SPEF2: variants seen among roughly 807,000 people sequenced by gnomAD.
SPEF2 encodes the protein sperm flagella and cilia-associated protein 2.
In SPEF2, 187 loss-of-function variants were observed where a neutral mutation model predicts 224.6. The observed-to-expected ratio is 0.83, with a 90% CI of 0.74 to 0.94. SPEF2 has a LOEUF of 0.94. Ranked by LOEUF, SPEF2 falls within the 40% of genes least tolerant of loss-of-function variation. The pLI, the probability that SPEF2 is intolerant of heterozygous loss-of-function variation, is 0.00. For missense variants in SPEF2, 2,170 were observed against 2,135.6 expected (o/e 1.02, Z -0.32); for synonymous variants, 715 against 707.3 (o/e 1.01, Z -0.17).
At chr5:35,700,280 A>G (rs1368387809) in intron 15 of SPEF2, 5 of 576,606 alleles carry the variant, frequency 8.7e-6, no homozygotes, top group Non-Finnish European at 1.5e-5. Context: ...AGCCTCTGGA[A>G]TAGATTTGGA....
chr5:35,781,133 G>A (rs73747976), intron 30 of SPEF2, among the ~76,000 whole-genome samples: 7,074 of 151,866 alleles, frequency 0.047, 468 homozygotes, highest in African/African-American at 0.14. Flanking sequence ...GAGGGAGGGA[G>A]AAACGGAGTT....
intron 7 of SPEF2, among the ~76,000 whole-genome samples, chr5:35,656,459 C>G (rs1222725071): frequency 2.0e-5 from 3 of 152,122 alleles, no homozygotes; most frequent in Non-Finnish European, 4.4e-5. Context: ...GGTTATCTCC[C>G]TTTTAATTAG....
chr5:35,745,721 G>A (rs1580552821), intron 23 of SPEF2, among the ~76,000 whole-genome samples: 1 of 152,108 alleles, frequency 6.6e-6, no homozygotes, highest in Non-Finnish European at 1.5e-5. Flanking sequence ...CACACCTGAT[G>A]GTCCTTTCCT....
intron 12 of SPEF2, 144 bp from the exon 13 acceptor site, chr5:35,694,144 T>C (rs537680120): frequency 2.7e-5 from 17 of 634,832 alleles, no homozygotes; most frequent in Non-Finnish European, 4.3e-5. Flanking sequence ...GAACTGAAAC[T>C]TTAATCTCCT....
chr5:35,637,769 CCT>C (rs944187150), intron 2 of SPEF2, among the ~76,000 whole-genome samples: 1 of 152,156 alleles, frequency 6.6e-6, no homozygotes, highest in African/African-American at 2.4e-5. Flanking sequence ...CTCTTCCTGA[CCT>C]CTCAGCCCTT....
At chr5:35,678,800 A>G (rs937558366) in intron 10 of SPEF2, 3 of 152,214 alleles carry the variant, frequency 2.0e-5, no homozygotes, top group South Asian at 2.1e-4. Flanking sequence ...GGCAGCATCA[A>G]TCTTTTCCAC....
At chr5:35,799,697 C>T (rs965348300) in intron 33 of SPEF2, among the ~76,000 whole-genome samples, 5 of 152,104 alleles carry the variant, frequency 3.3e-5, no homozygotes, top group African/African-American at 7.2e-5. Flanking sequence ...TGTGCAGTCC[C>T]CCACTACCCT....
intron 1 of SPEF2, among the ~76,000 whole-genome samples, chr5:35,620,242 T>A (rs375756476): frequency 1.7e-4 from 26 of 152,272 alleles, no homozygotes; most frequent in East Asian, 1.2e-3. Flanking sequence ...AATGGAAGGC[T>A]TTGGATGGTT....
At chr5:35,745,562 GCC>G (rs376976829) in intron 23 of SPEF2, among the ~76,000 whole-genome samples, 138,531 of 151,868 alleles carry the variant, frequency 0.91, 63,348 homozygotes, top group South Asian at 0.99. Context: ...CCACTTCCCT[GCC>G]TCAGCACCTA....
chr5:35,635,389 TG>T lies in SPEF2; in HGVS notation c.162-6040del, dbSNP rs202172213. On this transcript the variant is annotated intron_variant, in intron 2 of 36. Transcript: ENST00000356031. ...TCCCATTTACCCTGAGAACACTAGCTGGTAGTGCTTGCAGCTATAGCATTTA... is the reference window on the plus strand; with the variant it reads ...TCCCATTTACCCTGAGAACACTAGCTGTAGTGCTTGCAGCTATAGCATTTA... 6.6e-3 allele frequency among the ~76,000 whole-genome samples: 1,011 copies of T among 152,306 alleles called. 8 individuals are homozygous for T. Among genetic ancestry groups the T allele is most frequent in the African/African-American group, 0.023 (960 of 41,570 alleles).
In SPEF2 at chr5:35,764,886, T is replaced by C. The variant is rs1751885343; in HGVS notation, c.3801+1184T>C. On this transcript the variant is annotated intron_variant, in intron 26 of 36. Coordinates refer to ENST00000356031, the MANE Select transcript of SPEF2 (RefSeq NM_024867.4). ...TGATAACTCCTCTCATTGTTTCTGCTTCTTTCGAAAAACATTTTAGTATGG... is the reference window on the plus strand; with the variant it reads ...TGATAACTCCTCTCATTGTTTCTGCCTCTTTCGAAAAACATTTTAGTATGG... 1.1e-5 allele frequency: 4 copies of C among 362,300 alleles called. No individual in the cohort carries two copies. In the Admixed American group the frequency reaches 1.5e-4, roughly 14 times the overall value. The allele number at this position is 362,300 out of a possible 1,614,324, so 22.4% of individuals were successfully genotyped here.
chr5:35,750,760 G>A (rs1332932966), intron 23 of SPEF2, among the ~76,000 whole-genome samples: 1 of 151,662 alleles, frequency 6.6e-6, no homozygotes, highest in South Asian at 2.1e-4. Context: ...ATGTAAACTA[G>A]TACAGACACT....
chr5:35,705,626 T>C (rs1223004610), intron 17 of SPEF2, 25 bp from the exon 18 acceptor site: 1 of 1,548,550 alleles, frequency 6.5e-7, no homozygotes, highest in African/African-American at 1.4e-5. Context: ...GTATGAGATA[T>C]TCATATCATA....
Position 35,691,183 on chromosome 5 carries a change from A to T in SPEF2, c.1671A>T (p.Ser557=). ...RAESTTPELP[S]FAVKGCLLGK... is the part of the protein sequence containing the mutation. The stretch of plus-strand genomic sequence containing the variant: ...AATCAACAACACCTGAATTACCTTC[A>T]TTTGCTGTTAAAGGATGCTTATTGG... Residue 557 remains serine (S), a synonymous_variant, in exon 11 of 37, where the codon TCA becomes TCT. Coordinates refer to ENST00000356031, the MANE Select transcript of SPEF2 (RefSeq NM_024867.4). 1 of 1,614,086 alleles carries T rather than the reference A, an allele frequency of 6.2e-7. No homozygotes were observed. The highest frequency in any genetic ancestry group is 8.5e-7 in the Non-Finnish European group (1 of 1,179,984).
At chr5:35,663,192 A>G (rs1045789715) in intron 8 of SPEF2, among the ~76,000 whole-genome samples, 8 of 152,114 alleles carry the variant, frequency 5.3e-5, no homozygotes, top group East Asian at 1.9e-4. Context: ...TCAAAGCTTC[A>G]TCTTTGACTT....
chr5:35,766,000 C>T (rs1484018678), intron 26 of SPEF2, among the ~76,000 whole-genome samples: 2 of 152,112 alleles, frequency 1.3e-5, no homozygotes, highest in African/African-American at 4.8e-5. Context: ...GAGACGTCAT[C>T]TTTCTTAAAT....
chr5:35,663,087 G>T (rs967609685), intron 8 of SPEF2, among the ~76,000 whole-genome samples: 4 of 152,020 alleles, frequency 2.6e-5, no homozygotes, highest in Non-Finnish European at 4.4e-5. Flanking sequence ...TACTGATTTT[G>T]TTTCTACTTC....
intron 23 of SPEF2, among the ~76,000 whole-genome samples, chr5:35,742,374 A>G (rs910098860): frequency 2.0e-5 from 3 of 152,120 alleles, no homozygotes; most frequent in Non-Finnish European, 4.4e-5. Context: ...CTTATTTTTA[A>G]GGTTTTTAAA....
At chr5:35,808,191 AATT>A (rs1758294896) in intron 36 of SPEF2, 2 of 935,832 alleles carry the variant, frequency 2.1e-6, no homozygotes, top group Non-Finnish European at 2.5e-6. Context: ...TTAAATATTA[AATT>A]ATTAATTAAT....
Sources: gnomAD v4.1 joint callset for allele counts (sites outside exome capture counted in the v4.1 genomes callset) on GRCh38, gnomAD v4.1.1 for gene constraint, MANE v1.5 for transcripts, NCBI Gene and HGNC (gene_info 2026-07-23, HGNC 2026-07-21) for gene names.